Variants in PDE1A observed in about 807,000 individuals in gnomAD.
The protein encoded by PDE1A is phosphodiesterase 1A, also known as dual specificity calcium/calmodulin-dependent 3',5'-cyclic nucleotide phosphodiesterase 1A.
A neutral mutation model predicts 61.7 loss-of-function variants in PDE1A; 35 were observed. The ratio of observed to expected loss-of-function variants is 0.57; its 90% CI spans 0.43 to 0.75. The LOEUF is 0.75. Among genes scored for constraint, PDE1A ranks in the 30% least tolerant of loss-of-function variants. The pLI is 0.00. For missense variants in PDE1A, 597 were observed against 630.6 expected, an observed-to-expected ratio of 0.95 and a Z score of 0.57; for synonymous variants, 232 against 213.2, an observed-to-expected ratio of 1.09 and a Z score of -0.77.
intron 1 of PDE1A, among the ~76,000 whole-genome samples, chr2:182,309,713 G>GT (rs1695838071): frequency 1.3e-5 from 2 of 152,092 alleles, no homozygotes; most frequent in Non-Finnish European, 2.9e-5. Flanking sequence ...TTATTTTTCA[G>GT]ATATATGCAG....
At chr2:182,611,035 T>G in the PDE1A span, among the ~76,000 whole-genome samples, 21 of 152,206 alleles carry the variant, frequency 1.4e-4, no homozygotes, top group Admixed American at 6.5e-5. Context: ...TTAAAGTTCT[T>G]TGAAAGGATA....
intron 1 of PDE1A, among the ~76,000 whole-genome samples, chr2:182,294,699 A>G (rs1167505836): frequency 1.3e-5 from 2 of 152,212 alleles, no homozygotes; most frequent in Non-Finnish European, 2.9e-5. Context: ...ATCAAGTACT[A>G]TATGATGTAG....
the PDE1A span, among the ~76,000 whole-genome samples, chr2:182,627,201 ATT>A: frequency 1.2e-5 from 1 of 82,856 alleles, no homozygotes; most frequent in African/African-American, 4.9e-5. Context: ...ATATTATATT[ATT>A]TATATATAAA....
At chr2:182,377,284 T>A (rs1242395986) in intron 1 of PDE1A, among the ~76,000 whole-genome samples, 1 of 152,070 alleles carries the variant, frequency 6.6e-6, no homozygotes, top group East Asian at 1.9e-4. Context: ...GGATTAGAAG[T>A]GTGCAGCACC....
At chr2:182,626,672 G>T in the PDE1A span, among the ~76,000 whole-genome samples, 1 of 110,594 alleles carries the variant, frequency 9.0e-6, no homozygotes, top group Non-Finnish European at 1.8e-5. Context: ...TTCCTAATAT[G>T]TAATTGCCTT....
the PDE1A span, among the ~76,000 whole-genome samples, chr2:182,685,961 C>T: frequency 6.6e-6 from 1 of 152,156 alleles, no homozygotes; most frequent in Non-Finnish European, 1.5e-5. Context: ...TCTTAATCAT[C>T]ATATATCATA....
At chr2:182,163,777 G>T (rs1382678059), downstream of PDE1A, among the ~76,000 whole-genome samples, 1 of 152,152 alleles carries the variant, frequency 6.6e-6, no homozygotes, top group Non-Finnish European at 1.5e-5. Context: ...TTATGAGTGG[G>T]GCACAGAACA....
intron 1 of PDE1A, 31 bp from the exon 2 acceptor site, chr2:182,264,445 G>A (rs750764282): frequency 1.3e-6 from 2 of 1,499,328 alleles, no homozygotes; most frequent in Non-Finnish European, 1.9e-6. Context: ...AAGAGAGAAA[G>A]AGCAAGGAAT....
At chr2:182,635,587 C>G in the PDE1A span, among the ~76,000 whole-genome samples, 1 of 152,184 alleles carries the variant, frequency 6.6e-6, no homozygotes, top group African/African-American at 2.4e-5. Flanking sequence ...TGTCACCAGT[C>G]TAGCTTATCA....
the PDE1A span, chr2:182,716,371 A>C: frequency 1.3e-5 from 2 of 152,200 alleles, no homozygotes; most frequent in African/African-American, 4.8e-5. Flanking sequence ...GGGCCGTCGG[A>C]GAGTGCGTGT....
At chr2:182,433,916 A>G (rs1174009907) in intron 2 of PDE1A, among the ~76,000 whole-genome samples, 4 of 152,176 alleles carry the variant, frequency 2.6e-5, no homozygotes, top group African/African-American at 7.2e-5. Flanking sequence ...CTCATTGCTC[A>G]GATATCATTG....
the PDE1A span, among the ~76,000 whole-genome samples, chr2:182,646,320 T>C: frequency 7.1e-6 from 1 of 140,712 alleles, no homozygotes; most frequent in Non-Finnish European, 1.5e-5. Context: ...GGCATAGTGG[T>C]GCGTACCTGT....
intron 3 of PDE1A, among the ~76,000 whole-genome samples, chr2:182,239,577 C>T (rs1690335846): frequency 6.7e-6 from 1 of 149,938 alleles, no homozygotes; most frequent in South Asian, 2.1e-4. Context: ...TAGGGGCCAT[C>T]AAATATCCCT....
At chr2:182,461,759 T>C (rs1326561023) in intron 2 of PDE1A, among the ~76,000 whole-genome samples, 1 of 152,150 alleles carries the variant, frequency 6.6e-6, no homozygotes, top group Non-Finnish European at 1.5e-5. Flanking sequence ...GAGTTTCAAA[T>C]AATCTCATCA....
At chr2:182,405,062 G>A (rs891322918) in intron 1 of PDE1A, among the ~76,000 whole-genome samples, 1 of 152,188 alleles carries the variant, frequency 6.6e-6, no homozygotes, top group African/African-American at 2.4e-5. Flanking sequence ...AAACATGTGA[G>A]TAATGCATTG....
At chr2:182,453,643 A>G (rs1685683011) in intron 2 of PDE1A, among the ~76,000 whole-genome samples, 1 of 152,320 alleles carries the variant, frequency 6.6e-6, no homozygotes, top group South Asian at 2.1e-4. Context: ...AATCCAGCAT[A>G]TAAACAGAAC....
At chr2:182,565,414 G>T in the PDE1A span, among the ~76,000 whole-genome samples, 1 of 152,162 alleles carries the variant, frequency 6.6e-6, no homozygotes, top group African/African-American at 2.4e-5. Context: ...TCCTCTGGAA[G>T]TTTTGTCTCA....
At chr2:182,222,035 G>GT (rs993236372) in intron 7 of PDE1A, among the ~76,000 whole-genome samples, 71 of 151,832 alleles carry the variant, frequency 4.7e-4, no homozygotes, top group African/African-American at 1.7e-3. Flanking sequence ...AAAATCAGTT[G>GT]TTAAAAATAT....
At position 182,515,994 on chromosome 2, in the gene PDE1A, G is replaced by GTGTGTGTGTGTGTGTA. The variant is rs57935552; in HGVS notation, c.101+6281_101+6282insTACACACACACACACA. On this transcript the variant is annotated intron_variant, in intron 2 of 14. Coordinates refer to the PDE1A transcript ENST00000410103. ...TGTGTGTGTGTGTGTGTGTGTGTGT[G>GTGTGTGTGTGTGTGTA]TGTGTGTGTTGGGTGAGGACAGGAA... Among the ~76,000 whole-genome samples the GTGTGTGTGTGTGTGTA allele has an allele frequency of 6.7e-4, 97 of 145,806 alleles. 1 individual carries two copies. The highest frequency in any genetic ancestry group is 1.1e-3 in the Non-Finnish European group (74 of 66,014).
Sources: gnomAD v4.1 joint callset for allele counts (sites outside exome capture counted in the v4.1 genomes callset) on GRCh38, gnomAD v4.1.1 for gene constraint, MANE v1.5 for transcripts, NCBI Gene and HGNC (gene_info 2026-07-23, HGNC 2026-07-21) for gene names.